PAN3: variants seen among roughly 807,000 people sequenced by gnomAD.
The protein encoded by PAN3 is poly(A) specific ribonuclease subunit PAN3.
PAN3 carries 19 observed loss-of-function variants against 96.2 expected under a neutral mutation model. The observed-to-expected ratio is 0.20, with a 90% CI of 0.14 to 0.29. The LOEUF (loss-of-function observed/expected upper bound fraction) is 0.29, where lower values mean the gene tolerates loss of function less well. Ranked by LOEUF, PAN3 falls within the 10% of genes least tolerant of loss-of-function variation. The probability of loss-of-function intolerance (pLI) is 1.00; values close to 1 mark genes in which losing one functional copy is unlikely to be tolerated. For missense variants in PAN3, 882 were observed against 1,108.1 expected (o/e 0.80, Z 2.90); for synonymous variants, 433 against 406.6 (o/e 1.06, Z -0.78).
intron 6 of PAN3, chr13:28,239,604 A>T (rs1180395969): frequency 7.8e-7 from 1 of 1,289,574 alleles, no homozygotes; most frequent in South Asian, 1.2e-5. Flanking sequence ...CTGAGTCAGC[A>T]CTGGACTTGA....
intron 4 of PAN3, among the ~76,000 whole-genome samples, chr13:28,193,496 C>T (rs146064992): frequency 0.018 from 2,784 of 152,196 alleles, 46 homozygotes; most frequent in African/African-American, 0.047. Flanking sequence ...AATCCCAGCA[C>T]TTTGGGAGGC....
chr13:28,276,875 A>G (rs1221307860), intron 14 of PAN3, among the ~76,000 whole-genome samples: 1 of 152,202 alleles, frequency 6.6e-6, no homozygotes, highest in Non-Finnish European at 1.5e-5. Context: ...AGAGAAGAAT[A>G]TTACCTCTAT....
chr13:28,211,336 G>C (rs748055366), intron 5 of PAN3, among the ~76,000 whole-genome samples: 4 of 152,090 alleles, frequency 2.6e-5, no homozygotes, highest in Non-Finnish European at 4.4e-5. Context: ...CTGTTGCCTA[G>C]TCACTCCCAG....
At chr13:28,196,029 T>TG (rs1878006866) in intron 4 of PAN3, among the ~76,000 whole-genome samples, 1 of 151,006 alleles carries the variant, frequency 6.6e-6, no homozygotes, top group African/African-American at 2.4e-5. Context: ...TTTTTTTGTT[T>TG]TTTTTTTTTT....
In PAN3 at chr13:28,193,536, G is replaced by C. The variant is rs560252630; in HGVS notation, c.691-3649G>C. Among the ~76,000 whole-genome samples the C allele has an allele frequency of 8.6e-5, 13 of 152,012 alleles. No individual in the cohort carries two copies. The South Asian group carries it at 2.7e-3, about 32-fold the overall frequency. The stretch of plus-strand genomic sequence containing the variant: ...ACAGGCAGATCACTGGAGCCCAGGA[G>C]TTTGAGACCAGCTTGGGCAACATGG... On this transcript the variant is annotated intron_variant, in intron 4 of 18. Transcript: ENST00000380958.
chr13:28,290,831 A>G (rs944081135), intron 18 of PAN3, among the ~76,000 whole-genome samples: 1 of 152,234 alleles, frequency 6.6e-6, no homozygotes, highest in Non-Finnish European at 1.5e-5. Flanking sequence ...ATTTTAGAGC[A>G]TAGTATCAGA....
At chr13:28,174,078 T>G (rs757171716) in intron 1 of PAN3, among the ~76,000 whole-genome samples, 194 bp from the exon 2 acceptor site, 1 of 152,194 alleles carries the variant, frequency 6.6e-6, no homozygotes, top group Non-Finnish European at 1.5e-5. Flanking sequence ...GGGAAATAAT[T>G]AGTCAGCTTG....
chr13:28,286,504 T>A (rs1868989050), intron 17 of PAN3, among the ~76,000 whole-genome samples: 1 of 152,218 alleles, frequency 6.6e-6, no homozygotes, highest in East Asian at 1.9e-4. Flanking sequence ...TAGTCCTTTG[T>A]GGCTTCAGTT....
At chr13:28,189,354 C>G (rs1566170740) in intron 4 of PAN3, among the ~76,000 whole-genome samples, 1 of 151,842 alleles carries the variant, frequency 6.6e-6, no homozygotes, top group Non-Finnish European at 1.5e-5. Flanking sequence ...CATCTCTACT[C>G]AAAATACAAA....
chr13:28,142,091 A>G (rs779965188), intron 1 of PAN3, among the ~76,000 whole-genome samples: 16 of 152,160 alleles, frequency 1.1e-4, no homozygotes, highest in Admixed American at 7.9e-4. Flanking sequence ...CTTTTCTGTG[A>G]TAGGCTTCTT....
intron 1 of PAN3, among the ~76,000 whole-genome samples, chr13:28,168,399 C>A (rs920430886): frequency 6.6e-6 from 1 of 152,110 alleles, no homozygotes; most frequent in Non-Finnish European, 1.5e-5. Context: ...ACCTTTAATA[C>A]AGATGGCAAT....
intron 5 of PAN3, chr13:28,215,188 G>T: frequency 1.4e-6 from 1 of 713,054 alleles, no homozygotes; most frequent in Non-Finnish European, 2.6e-6. Context: ...AGCACCAGTG[G>T]AACCACACTG....
At chr13:28,226,507 A>G (rs1338056218) in intron 6 of PAN3, among the ~76,000 whole-genome samples, 1 of 152,196 alleles carries the variant, frequency 6.6e-6, no homozygotes, top group Non-Finnish European at 1.5e-5. Context: ...GCTTAAGAAG[A>G]AGGGACCATG....
intron 1 of PAN3, among the ~76,000 whole-genome samples, chr13:28,139,507 G>GTGTGT (rs1869342833): frequency 9.0e-6 from 1 of 111,690 alleles, no homozygotes; most frequent in African/African-American, 4.9e-5. Context: ...AGTGGGGAGG[G>GTGTGT]GTGTGTTTGT....
chr13:28,291,756 G>A (rs764012587), intron 18 of PAN3, among the ~76,000 whole-genome samples: 5 of 151,982 alleles, frequency 3.3e-5, no homozygotes, highest in South Asian at 2.1e-4. Flanking sequence ...GCTTGAACCC[G>A]GGAGGCAGAG....
intron 4 of PAN3, among the ~76,000 whole-genome samples, chr13:28,194,366 T>C (rs1877707323): frequency 6.6e-6 from 1 of 150,884 alleles, no homozygotes. Flanking sequence ...CAAGGTTAAT[T>C]TTAGCTCAGA....
chr13:28,158,967 G>A (rs933878855), intron 1 of PAN3, among the ~76,000 whole-genome samples: 2 of 151,964 alleles, frequency 1.3e-5, no homozygotes, highest in Non-Finnish European at 2.9e-5. Flanking sequence ...CAGTCAGAAT[G>A]ATTATTATTA....
chr13:28,213,526 A>C (rs1478957710), intron 5 of PAN3, among the ~76,000 whole-genome samples: 1 of 152,198 alleles, frequency 6.6e-6, no homozygotes, highest in East Asian at 1.9e-4. Flanking sequence ...TTATGCACTC[A>C]GAAACTGGTA....
chr13:28,256,573 C>G (rs745798185), intron 7 of PAN3, 34 bp downstream of exon 7: 21 of 1,581,448 alleles, frequency 1.3e-5, no homozygotes, highest in Middle Eastern at 1.7e-4. Context: ...TTTTAGTACT[C>G]TCTTGTAACA....
Sources: allele counts gnomAD v4.1 joint callset (sites outside exome capture counted in the v4.1 genomes callset), GRCh38; gene constraint gnomAD v4.1.1; transcripts MANE v1.5; gene names NCBI Gene and HGNC (gene_info 2026-07-23, HGNC 2026-07-21).